Variants in RECK observed in about 807,000 individuals in gnomAD.
RECK encodes the protein reversion inducing cysteine rich protein with kazal motifs, also known as reversion-inducing cysteine-rich protein with Kazal motifs.
In RECK, 69 loss-of-function variants were observed where a neutral mutation model predicts 115.1. The ratio of observed to expected loss-of-function variants is 0.60; its 90% CI spans 0.49 to 0.73. RECK has a LOEUF of 0.73. Among genes scored for constraint, RECK ranks in the 30% least tolerant of loss-of-function variants. RECK has a pLI of 0.00. For missense variants in RECK, 1,047 were observed against 1,203.7 expected, an observed-to-expected ratio of 0.87 and a Z score of 1.93; for synonymous variants, 414 against 419.7, an observed-to-expected ratio of 0.99 and a Z score of 0.17.
At chr9:36,057,430 T>C (rs2132574399) in intron 2 of RECK, among the ~76,000 whole-genome samples, 1 of 152,374 alleles carries the variant, frequency 6.6e-6, no homozygotes, top group East Asian at 1.9e-4. Flanking sequence ...CTAGACTTGC[T>C]GTATTTGGAC....
chr9:36,042,396 C>G (rs949508528), intron 1 of RECK, among the ~76,000 whole-genome samples: 1 of 150,440 alleles, frequency 6.6e-6, no homozygotes, highest in Non-Finnish European at 1.5e-5. Flanking sequence ...TTATTTCATT[C>G]CTTTTTATGG....
intron 4 of RECK, 22 bp from the exon 5 acceptor site, chr9:36,063,773 A>G (rs1243109976): frequency 6.2e-6 from 10 of 1,611,616 alleles, no homozygotes; most frequent in African/African-American, 2.7e-5. Context: ...TGACCAAAAC[A>G]TTTAAACATT....
chr9:36,109,842 CAAAAA>C, intron 14 of RECK, 110 bp from the exon 15 acceptor site: 1 of 858,398 alleles, frequency 1.2e-6, no homozygotes, highest in Non-Finnish European at 1.7e-6. Flanking sequence ...AGACCCTTCT[CAAAAA>C]AAAAAAAAGG....
chr9:36,123,113 G>A lies in RECK; in HGVS notation c.*68G>A. 1 of 1,281,826 alleles carries A rather than the reference G, an allele frequency of 7.8e-7. No homozygotes were observed. Among genetic ancestry groups the A allele is most frequent in the African/African-American group, 1.5e-5 (1 of 67,786 alleles). The allele number at this position is 1,281,826 out of a possible 1,614,324, so 79.4% of individuals were successfully genotyped here. A position where few individuals can be genotyped will look rare whatever the true frequency, so the allele number is the denominator to read the frequency against. On this transcript the variant is annotated 3_prime_UTR_variant, in exon 21 of 21. Coordinates refer to ENST00000377966, the MANE Select transcript of RECK (RefSeq NM_021111.3). ...TGCCTTGAAAAAGACATTCAGGACT[G>A]CTGGTTTGTAGTTGAATATTGGCCA...
chr9:36,092,102 G>A (rs957482448), intron 10 of RECK, among the ~76,000 whole-genome samples: 1 of 152,158 alleles, frequency 6.6e-6, no homozygotes, highest in Non-Finnish European at 1.5e-5. Context: ...AGTACTCAGA[G>A]TATTACTTAA....
intron 1 of RECK, among the ~76,000 whole-genome samples, chr9:36,037,305 G>A (rs1462328940): frequency 6.6e-6 from 1 of 151,704 alleles, no homozygotes; most frequent in Non-Finnish European, 1.5e-5. Context: ...GATCTTCTGG[G>A]CGGTGACTCG....
chr9:36,112,125 A>AAG, intron 15 of RECK, among the ~76,000 whole-genome samples, 180 bp from the exon 16 acceptor site: 1 of 126,528 alleles, frequency 7.9e-6, no homozygotes, highest in African/African-American at 2.9e-5. Flanking sequence ...TCCATCTCAA[A>AAG]AAAAAAAAAA....
intron 2 of RECK, among the ~76,000 whole-genome samples, chr9:36,055,694 C>T (rs898527676): frequency 2.0e-5 from 3 of 152,182 alleles, no homozygotes; most frequent in Non-Finnish European, 4.4e-5. Context: ...ATATAACTAC[C>T]TCCTATGAGG....
intron 6 of RECK, among the ~76,000 whole-genome samples, chr9:36,066,068 T>G (rs916657752): frequency 1.3e-5 from 2 of 152,172 alleles, no homozygotes; most frequent in African/African-American, 4.8e-5. Flanking sequence ...CAGACTTTCC[T>G]AGAATCTTGC....
intron 16 of RECK, among the ~76,000 whole-genome samples, chr9:36,114,637 G>A (rs1824187071): frequency 6.6e-6 from 1 of 152,204 alleles, no homozygotes; most frequent in African/African-American, 2.4e-5. Context: ...CAGATCGCTT[G>A]AGCTCAGGAG....
At chr9:36,066,220 A>G (rs1821990307) in intron 6 of RECK, among the ~76,000 whole-genome samples, 2 of 152,164 alleles carry the variant, frequency 1.3e-5, no homozygotes, top group African/African-American at 4.8e-5. Flanking sequence ...ACACCATACA[A>G]ATATGTGCAG....
intron 6 of RECK, among the ~76,000 whole-genome samples, chr9:36,069,379 A>G (rs547171828): frequency 6.6e-6 from 1 of 151,920 alleles, no homozygotes; most frequent in South Asian, 2.1e-4. Context: ...GTCTCTACTA[A>G]AAATACAAAA....
chr9:36,089,967 TACACACACACACACACAC>T (rs55678229), intron 9 of RECK, among the ~76,000 whole-genome samples: 6 of 143,798 alleles, frequency 4.2e-5, no homozygotes, highest in African/African-American at 1.6e-4. Flanking sequence ...CTACTAAAAA[TACACACACACACACACAC>T]ACACACACAC....
intron 4 of RECK, among the ~76,000 whole-genome samples, chr9:36,062,804 C>T (rs1821832115): frequency 6.6e-6 from 1 of 152,114 alleles, no homozygotes; most frequent in Non-Finnish European, 1.5e-5. Flanking sequence ...CCTTAGGATT[C>T]ATTCACTGAC....
chr9:36,097,765 G>A (rs7862699), intron 10 of RECK, among the ~76,000 whole-genome samples: 26,326 of 152,148 alleles, frequency 0.17, 2,741 homozygotes, highest in East Asian at 0.3. Context: ...TAGCCAAGAT[G>A]TAGAATCAAC....
chr9:36,037,846 T>G (rs749396475), intron 1 of RECK, among the ~76,000 whole-genome samples: 21 of 151,822 alleles, frequency 1.4e-4, no homozygotes, highest in Non-Finnish European at 2.8e-4. Flanking sequence ...TGAAGGGCCA[T>G]GTATGAGTGC....
intron 6 of RECK, among the ~76,000 whole-genome samples, chr9:36,071,758 T>C (rs1037697694): frequency 2.0e-5 from 3 of 152,208 alleles, no homozygotes; most frequent in Non-Finnish European, 4.4e-5. Context: ...AGTTTTAAAC[T>C]AAACAGTTGC....
intron 10 of RECK, among the ~76,000 whole-genome samples, chr9:36,096,154 T>C (rs1391615310): frequency 3.3e-5 from 5 of 151,812 alleles, no homozygotes; most frequent in Non-Finnish European, 2.9e-5. Flanking sequence ...GGAGGATGGC[T>C]TGAGCCTGGG....
At chr9:36,042,986 C>A (rs1820927334) in intron 1 of RECK, among the ~76,000 whole-genome samples, 1 of 130,604 alleles carries the variant, frequency 7.7e-6, no homozygotes, top group Admixed American at 7.7e-5. Flanking sequence ...GTTTTGAGAA[C>A]TGTCTATTCA....
Sources: allele counts gnomAD v4.1 joint callset (sites outside exome capture counted in the v4.1 genomes callset), GRCh38; gene constraint gnomAD v4.1.1; transcripts MANE v1.5; gene names NCBI Gene and HGNC (gene_info 2026-07-23, HGNC 2026-07-21).